Variants in DEPDC5 observed in about 807,000 individuals in gnomAD.
DEPDC5 encodes DEP domain containing 5, GATOR1 subcomplex subunit, also known as GATOR1 complex protein DEPDC5.
DEPDC5 carries 73 observed loss-of-function variants against 217.3 expected under a neutral mutation model. The observed-to-expected ratio is 0.34, with a 90% CI of 0.28 to 0.41. The LOEUF (loss-of-function observed/expected upper bound fraction) is 0.41, where lower values mean the gene tolerates loss of function less well. DEPDC5 is among the 10% of genes least tolerant of loss of function. The pLI, the probability that DEPDC5 is intolerant of heterozygous loss-of-function variation, is 1.00. For missense variants in DEPDC5, 1,675 were observed against 2,070.1 expected, an observed-to-expected ratio of 0.81 and a Z score of 3.70; for synonymous variants, 733 against 756.7, an observed-to-expected ratio of 0.97 and a Z score of 0.51.
rs763518514 is a variant in DEPDC5, at chr22:31,806,153, A to T, written c.1249A>T (p.Asn417Tyr). The T allele has an allele frequency of 6.2e-7, 1 of 1,613,998 alleles. No homozygotes were observed. The highest frequency in any genetic ancestry group is 1.7e-5 in the Admixed American group (1 of 59,972). Residue 417 changes from asparagine to tyrosine, a missense_variant, in exon 18 of 43, where the codon AAT (asparagine) becomes TAT (tyrosine). Transcript: ENST00000651528. ...CACATCCAAAAGCCAGCTCTTTTGTAATAGTTTCACCCCACGAATAAAACT... is the reference window on the plus strand; with the variant it reads ...CACATCCAAAAGCCAGCTCTTTTGTTATAGTTTCACCCCACGAATAAAACT... Reference protein sequence around the residue: ...FYTSKSQLFCNSFTPRIKLAG... With the variant: ...FYTSKSQLFCYSFTPRIKLAG...
chr22:31,877,068 G>T (rs945735410), intron 37 of DEPDC5, among the ~76,000 whole-genome samples: 10 of 148,676 alleles, frequency 6.7e-5, no homozygotes, highest in African/African-American at 2.5e-5. Flanking sequence ...GCTTGAATCC[G>T]GGAGGCGGAG....
intron 36 of DEPDC5, 24 bp downstream of exon 36, chr22:31,874,429 A>G (rs747148517): frequency 5.7e-5 from 91 of 1,594,346 alleles, no homozygotes; most frequent in Admixed American, 8.9e-5. Context: ...AGGGGCCCAT[A>G]GAGCTGTTTG....
Position 31,876,222 on chromosome 22 carries a change from C to G in DEPDC5, c.3762C>G (p.Gly1254=). 9 of 1,614,050 alleles carry G rather than the reference C, an allele frequency of 5.6e-6. No homozygotes were observed. The highest frequency in any genetic ancestry group is 7.6e-6 in the Non-Finnish European group (9 of 1,180,018). ...AAGCCTGGCGGACCTTCATCTACGG[C>G]TTCTATTTCTACAAGATAGTAACGG... is the stretch of plus-strand genomic sequence containing the variant. ...SGEAWRTFIY[G]FYFYKIVTDK... The change falls in exon 37 of 43, where the codon GGC becomes GGG. Residue 1254 remains glycine, a synonymous_variant. Transcript: ENST00000651528.
intron 33 of DEPDC5, among the ~76,000 whole-genome samples, chr22:31,869,521 C>A (rs942922512): frequency 6.8e-6 from 1 of 146,108 alleles, no homozygotes; most frequent in Non-Finnish European, 1.5e-5. Flanking sequence ...GCCGAGATTG[C>A]GCCACTGCAC....
intron 24 of DEPDC5, 86 bp from the exon 25 acceptor site, chr22:31,833,829 C>T (rs2090780826): frequency 9.0e-7 from 1 of 1,113,600 alleles, no homozygotes; most frequent in Non-Finnish European, 1.3e-6. Flanking sequence ...ATTTTTAGCT[C>T]CAGTTTGCCT....
chr22:31,791,809 C>G (rs372915037), intron 10 of DEPDC5, among the ~76,000 whole-genome samples: 1 of 150,280 alleles, frequency 6.7e-6, no homozygotes, highest in East Asian at 2.0e-4. Context: ...CGTCTGTAGT[C>G]CCAGCTACTT....
chr22:31,771,762 CACA>C, intron 7 of DEPDC5, among the ~76,000 whole-genome samples: 1 of 137,380 alleles, frequency 7.3e-6, no homozygotes, highest in African/African-American at 2.6e-5. Context: ...CACACACACA[CACA>C]CACACACACA....
At position 31,901,705 on chromosome 22, in the gene DEPDC5, G is replaced by T; in HGVS notation, c.4376-37G>T. 4 of 1,576,182 alleles carry T rather than the reference G, an allele frequency of 2.5e-6. No individual in the cohort carries two copies. The South Asian group carries it at 4.6e-5, about 18-fold the overall frequency. ...GCCCAGAGAGAATTACAAACCTTGTGATCACAACCCAATATTTATTCTTAT... is the reference window on the plus strand; with the variant it reads ...GCCCAGAGAGAATTACAAACCTTGTTATCACAACCCAATATTTATTCTTAT... On this transcript the variant is annotated intron_variant, in intron 40 of 42. Transcript: ENST00000651528.
In DEPDC5 at chr22:31,880,413, C is replaced by T. The variant is rs527954230; in HGVS notation, c.4033+661C>T. On this transcript the variant is annotated intron_variant, in intron 38 of 42. Coordinates refer to ENST00000651528, the MANE Select transcript of DEPDC5 (RefSeq NM_001242896.3). Reference sequence around the variant, plus strand: ...TGAACATCTTTAGAAAATACCTGCTCTGGGCAAAGACCATGGGATTTATCT... The same window carrying T: ...TGAACATCTTTAGAAAATACCTGCTTTGGGCAAAGACCATGGGATTTATCT... Among the ~76,000 whole-genome samples, 5 of 152,302 alleles carry T rather than the reference C, an allele frequency of 3.3e-5. No homozygotes were observed. The South Asian group carries it at 1.0e-3, about 32-fold the overall frequency.
At chr22:31,779,773 CTAT>C (rs1185654295) in intron 8 of DEPDC5, among the ~76,000 whole-genome samples, 1 of 152,126 alleles carries the variant, frequency 6.6e-6, no homozygotes, top group Non-Finnish European at 1.5e-5. Context: ...AATAGTGTCA[CTAT>C]TATTGGCGTC....
intron 18 of DEPDC5, among the ~76,000 whole-genome samples, chr22:31,807,782 T>TA (rs2087731384): frequency 6.6e-6 from 1 of 152,186 alleles, no homozygotes. Flanking sequence ...AGCAGGCTGT[T>TA]ATGTTTGCAG....
Position 31,767,351 on chromosome 22 carries a change from A to G in DEPDC5, c.363+683A>G, listed in dbSNP as rs143120112. Among the ~76,000 whole-genome samples, 794 of 151,988 alleles carry G rather than the reference A, an allele frequency of 5.2e-3. 3 individuals are homozygous for G. The highest frequency in any genetic ancestry group is 9.3e-3 in the Non-Finnish European group (629 of 67,974). On this transcript the variant is annotated intron_variant, in intron 6 of 42. Transcript: ENST00000651528. ...TTTCTTGTTGCCCAGGCTGGAGTGC[A>G]ATGGCGTGATCTCGGCTCACCACAA...
At chr22:31,882,824 A>G (rs1030594923) in intron 38 of DEPDC5, among the ~76,000 whole-genome samples, 11 of 151,554 alleles carry the variant, frequency 7.3e-5, no homozygotes, top group Non-Finnish European at 1.0e-4. Context: ...GGGTCTCCCT[A>G]TGTTGCCCAG....
intron 41 of DEPDC5, among the ~76,000 whole-genome samples, chr22:31,905,504 C>G (rs2093740806): frequency 6.6e-6 from 1 of 151,832 alleles, no homozygotes; most frequent in Non-Finnish European, 1.5e-5. Flanking sequence ...AGGACCTTCC[C>G]TGGAGGAATG....
intron 26 of DEPDC5, among the ~76,000 whole-genome samples, chr22:31,838,100 GT>G (rs1264119305): frequency 1.3e-5 from 2 of 152,010 alleles, no homozygotes; most frequent in Non-Finnish European, 2.9e-5. Context: ...ACTCCAGTTG[GT>G]TCTGGCTTTG....
intron 21 of DEPDC5, chr22:31,815,566 G>A (rs2088995934): frequency 1.6e-6 from 1 of 613,894 alleles, no homozygotes; most frequent in Non-Finnish European, 2.8e-6. Context: ...ATTTTTTTTT[G>A]TAGAGGTGGG....
chr22:31,809,829 A>T (rs1295355550), intron 19 of DEPDC5, among the ~76,000 whole-genome samples, 182 bp downstream of exon 19: 1 of 152,178 alleles, frequency 6.6e-6, no homozygotes, highest in East Asian at 1.9e-4. Flanking sequence ...AAATACAAAA[A>T]AAATTAGCTG....
intron 6 of DEPDC5, among the ~76,000 whole-genome samples, 164 bp from the exon 7 acceptor site, chr22:31,768,650 A>G (rs1299284702): frequency 6.6e-6 from 1 of 152,170 alleles, no homozygotes; most frequent in Non-Finnish European, 1.5e-5. Flanking sequence ...GGGTAAATCT[A>G]TTACTCACAA....
intron 8 of DEPDC5, among the ~76,000 whole-genome samples, chr22:31,780,906 G>A (rs578028155): frequency 4.3e-4 from 66 of 152,280 alleles, no homozygotes; most frequent in African/African-American, 1.5e-3. Context: ...ATATTAGATA[G>A]GCTCCCCTGC....
Sources: allele counts gnomAD v4.1 joint callset (sites outside exome capture counted in the v4.1 genomes callset), GRCh38; gene constraint gnomAD v4.1.1; transcripts MANE v1.5; gene names NCBI Gene and HGNC (gene_info 2026-07-23, HGNC 2026-07-21).